Variants in TSBP1 observed in about 807,000 individuals in gnomAD.
The protein encoded by TSBP1 is testis expressed basic protein 1.
TSBP1 carries 56 observed loss-of-function variants against 68.8 expected under a neutral mutation model. That is an observed-to-expected ratio of 0.81 (90% CI 0.66 to 1.02). TSBP1 has a LOEUF of 1.02. Ranked by LOEUF, TSBP1 falls within the 50% of genes least tolerant of loss-of-function variation. The probability of loss-of-function intolerance (pLI) is 0.00; values close to 1 mark genes in which losing one functional copy is unlikely to be tolerated. For missense variants in TSBP1, 502 were observed against 641.2 expected, an observed-to-expected ratio of 0.78 and a Z score of 2.34; for synonymous variants, 171 against 208.7, an observed-to-expected ratio of 0.82 and a Z score of 1.56.
At chr6:32,330,673 C>CTT (rs1554197093) in intron 15 of TSBP1, 64 bp from the exon 17 acceptor site, 8 of 1,464,580 alleles carry the variant, frequency 5.5e-6, no homozygotes, top group East Asian at 2.5e-5. Flanking sequence ...CACACACACA[C>CTT]ACTTCTATTT....
intron 16 of TSBP1, 90 bp from the exon 18 acceptor site, chr6:32,323,704 T>G: frequency 2.6e-6 from 3 of 1,149,690 alleles, no homozygotes; most frequent in Non-Finnish European, 3.9e-6. Flanking sequence ...TAGGTCATTA[T>G]AACAATAGGG....
At chr6:32,303,983 T>A (rs1765545270) in intron 19 of TSBP1, among the ~76,000 whole-genome samples, 1 of 152,176 alleles carries the variant, frequency 6.6e-6, no homozygotes, top group African/African-American at 2.4e-5. Context: ...TCTTAGTGTA[T>A]TATTTCCATA....
chr6:32,325,419 G>T lies in TSBP1; in HGVS notation c.515-1805C>A. 1.1e-6 allele frequency: 1 copy of T among 929,814 alleles called. No homozygotes were observed. The highest frequency in any genetic ancestry group is 1.7e-6 in the Non-Finnish European group (1 of 571,970). 57.6% of individuals were successfully genotyped at this position (929,814 alleles called of 1,614,324 possible). On this transcript the variant is annotated intron_variant, in intron 16 of 22. Transcript: ENST00000612031. The surrounding 1 kb of genome is among the most constrained non-coding windows in gnomAD (Gnocchi z 4.4). ...TTTCACATATGCCACTGTGGAGGAG[G>T]TGGATGCAGCCGTGAATGCAAGGCC... is the stretch of plus-strand genomic sequence containing the variant.
At position 32,337,400 on chromosome 6, in the gene TSBP1, C is replaced by T. The variant is rs908576544; in HGVS notation, c.410-765G>A. 1.1e-4 allele frequency among the ~76,000 whole-genome samples: 16 copies of T among 152,290 alleles called. No homozygotes were observed. The highest frequency in any genetic ancestry group is 2.9e-4 in the African/African-American group (12 of 41,560). On this transcript the variant is annotated intron_variant, in intron 11 of 22. Coordinates refer to ENST00000612031, the Ensembl canonical transcript of TSBP1. The surrounding 1 kb of genome is among the most constrained non-coding windows in gnomAD (Gnocchi z 5.5). ...CCTGCTTGTATCTCAGGAGATTACA[C>T]AGGCCATTGCCTGTCTTCCAGCTGG...
In TSBP1 at chr6:32,367,962, A is replaced by G; in HGVS notation, c.134-5T>C. 6.2e-7 allele frequency: 1 copy of G among 1,601,006 alleles called. No individual in the cohort carries two copies. Among genetic ancestry groups the G allele is most frequent in the Non-Finnish European group, 8.5e-7 (1 of 1,172,848 alleles). Reference sequence around the variant, plus strand: ...CATAGTCCAGAAGTCTAGCACCTAGAAAAAAAGGGAGAGCACATGATTTTG... The same window carrying G: ...CATAGTCCAGAAGTCTAGCACCTAGGAAAAAAGGGAGAGCACATGATTTTG... On this transcript the variant is annotated splice_polypyrimidine_tract_variant and splice_region_variant and intron_variant, in intron 3 of 22. Coordinates refer to ENST00000612031, the Ensembl canonical transcript of TSBP1.
intron 9 of TSBP1, among the ~76,000 whole-genome samples, chr6:32,346,854 TG>T (rs35941318): frequency 0.34 from 51,077 of 151,922 alleles, 9,643 homozygotes; most frequent in Middle Eastern, 0.52. Context: ...AAAAAAATAC[TG>T]TATCTCAGAT....
At chr6:32,355,417 C>G (rs1489289315) in intron 7 of TSBP1, among the ~76,000 whole-genome samples, 2 of 152,102 alleles carry the variant, frequency 1.3e-5, no homozygotes, top group Non-Finnish European at 2.9e-5. Context: ...ATTTTCTTCT[C>G]TCTCTCCCTT....
At position 32,316,581 on chromosome 6, in the gene TSBP1, A is replaced by G. The variant is rs1255498060; in HGVS notation, c.560-789T>C. Among the ~76,000 whole-genome samples the G allele has an allele frequency of 5.3e-5, 8 of 152,170 alleles. No homozygotes were observed. The highest frequency in any genetic ancestry group is 1.9e-4 in the African/African-American group (8 of 41,430). ...TTTATGACTGCATTCTTGGGTAAGT[A>G]TTTGGGTCAGTTTCTTATCTCTTAC... is the stretch of plus-strand genomic sequence containing the variant. On this transcript the variant is annotated intron_variant, in intron 18 of 22. Coordinates refer to ENST00000612031, the Ensembl canonical transcript of TSBP1. The surrounding 1 kb of genome is among the most constrained non-coding windows in gnomAD (Gnocchi z 4.5).
chr6:32,332,233 A>G (rs780004795), intron 14 of TSBP1, among the ~76,000 whole-genome samples, 179 bp from the exon 16 acceptor site: 1 of 152,174 alleles, frequency 6.6e-6, no homozygotes, highest in Non-Finnish European at 1.5e-5. Flanking sequence ...AGGAAAAAGG[A>G]TATTTAGCAT....
chr6:32,320,239 GT>G (rs992645463), intron 18 of TSBP1: 3 of 456,514 alleles, frequency 6.6e-6, no homozygotes, highest in Middle Eastern at 3.2e-4. Flanking sequence ...GATCTCAGCT[GT>G]TTTGACTTGG....
chr6:32,324,014 T>TCC (rs1465005738), intron 16 of TSBP1: 1 of 223,496 alleles, frequency 4.5e-6, no homozygotes, highest in African/African-American at 2.3e-5. Context: ...GTTTGTTAAG[T>TCC]CCCTTGTAAT....
chr6:32,302,022 A>G lies in TSBP1; in HGVS notation c.601+587T>C, dbSNP rs948107004. 2.0e-5 allele frequency among the ~76,000 whole-genome samples: 3 copies of G among 150,852 alleles called. No individual in the cohort carries two copies. Among genetic ancestry groups the G allele is most frequent in the Non-Finnish European group, 4.4e-5 (3 of 67,784 alleles). On this transcript the variant is annotated intron_variant, in intron 20 of 22. Transcript: ENST00000612031. This position sits in a 1 kb window ranked among gnomAD's most constrained non-coding sequence, Gnocchi z 5.1. ...TTTGTGGCACATGAAAATTGTATGA[A>G]ATTCAAATTTCAATGTCTAAAATAG...
exon 2 of TSBP1, chr6:32,369,917 C>G (rs1206065124): frequency 6.2e-7 from 1 of 1,608,802 alleles, no homozygotes; most frequent in African/African-American, 1.3e-5. Flanking sequence ...ACATCGTGCC[C>G]ATCTTGTTAA....
At chr6:32,319,900 T>A (rs1371914575) in intron 18 of TSBP1, among the ~76,000 whole-genome samples, 4 of 152,116 alleles carry the variant, frequency 2.6e-5, no homozygotes, top group Non-Finnish European at 4.4e-5. Context: ...CATATATTTT[T>A]AAAATGCATT....
At chr6:32,345,161 C>CTT (rs111305323) in intron 9 of TSBP1, among the ~76,000 whole-genome samples, 4 of 141,188 alleles carry the variant, frequency 2.8e-5, no homozygotes, top group Non-Finnish European at 3.1e-5. Flanking sequence ...GGCCCTTAGT[C>CTT]TTTTTTTTTT....
At chr6:32,354,763 G>A (rs965149020) in intron 8 of TSBP1, among the ~76,000 whole-genome samples, 1 of 151,968 alleles carries the variant, frequency 6.6e-6, no homozygotes, top group Non-Finnish European at 1.5e-5. Flanking sequence ...TACATTTTGA[G>A]AGAAAAATGC....
chr6:32,308,640 T>C (rs1049719919), intron 19 of TSBP1, among the ~76,000 whole-genome samples: 3 of 151,718 alleles, frequency 2.0e-5, no homozygotes, highest in Non-Finnish European at 2.9e-5. Context: ...TTGCTTTCTC[T>C]TTTTCTTTTT....
intron 18 of TSBP1, among the ~76,000 whole-genome samples, chr6:32,317,817 G>A (rs1400783918): frequency 6.6e-6 from 1 of 152,138 alleles, no homozygotes; most frequent in African/African-American, 2.4e-5. Flanking sequence ...AGATACTGGG[G>A]AGGCTGTGGA....
At position 32,343,652 on chromosome 6, in the gene TSBP1, G is replaced by A. The variant is rs527917547; in HGVS notation, c.350-4014C>T. Among the ~76,000 whole-genome samples the A allele has an allele frequency of 2.6e-5, 4 of 152,254 alleles. No individual in the cohort carries two copies. The highest frequency in any genetic ancestry group is 4.4e-5 in the Non-Finnish European group (3 of 68,026). ...TCTAGTTTTATAAGAAAAGAAAACC[G>A]AGATTGAGAAAGGGAAGGGCTGTGC... On this transcript the variant is annotated intron_variant, in intron 9 of 22. Transcript: ENST00000612031. The surrounding 1 kb of genome is among the most constrained non-coding windows in gnomAD (Gnocchi z 4.3).
Sources: gnomAD v4.1 joint callset for allele counts (sites outside exome capture counted in the v4.1 genomes callset) on GRCh38, gnomAD v4.1.1 for gene constraint, Gnocchi (gnomAD v3.1) non-coding constraint, MANE v1.5 for transcripts, NCBI Gene and HGNC (gene_info 2026-07-23, HGNC 2026-07-21) for gene names.